ZNF841: variants seen among roughly 807,000 people sequenced by gnomAD.
The protein encoded by ZNF841 is zinc finger protein 841.
In ZNF841, 11 loss-of-function variants were observed where a neutral mutation model predicts 13.0. The observed-to-expected ratio is 0.85, with a 90% confidence interval of 0.53 to 1.40. The LOEUF (loss-of-function observed/expected upper bound fraction) is 1.40. Ranked by LOEUF, ZNF841 falls within the 40% of genes most tolerant of loss-of-function variation. The probability of loss-of-function intolerance (pLI) is 0.00; values close to 1 mark genes in which losing one functional copy is unlikely to be tolerated. For synonymous variants in ZNF841, 369 were observed against 381.6 expected (o/e 0.97, Z 0.38); for missense variants, 1,068 against 1,139.5 (o/e 0.94, Z 0.90).
intron 5 of ZNF841, 41 bp from the exon 6 acceptor site, chr19:52,076,213 C>T: frequency 6.5e-7 from 1 of 1,542,962 alleles, no homozygotes; most frequent in Non-Finnish European, 8.7e-7. Context: ...ACGGTTTTTC[C>T]AGAACCCAGC....
At chr19:52,058,962 C>T in the ZNF841 span, 6 of 152,932 alleles carry the variant, frequency 3.9e-5, no homozygotes, top group African/African-American at 1.5e-4. Flanking sequence ...AATCATTTAA[C>T]CCAATTTATA....
chr19:52,068,839 A>G (rs1248033313), intron 6 of ZNF841, among the ~76,000 whole-genome samples: 9 of 151,872 alleles, frequency 5.9e-5, no homozygotes, highest in African/African-American at 2.2e-4. Context: ...AAGCGTGGTG[A>G]TGCATGCCTG....
chr19:52,067,921 C>T (rs1265087206), intron 6 of ZNF841, among the ~76,000 whole-genome samples: 1 of 151,992 alleles, frequency 6.6e-6, no homozygotes, highest in Non-Finnish European at 1.5e-5. Context: ...AATGACACAC[C>T]AATTGGCAGT....
At chr19:52,074,850 T>C (rs2087848436) in intron 6 of ZNF841, among the ~76,000 whole-genome samples, 1 of 152,036 alleles carries the variant, frequency 6.6e-6, no homozygotes, top group Admixed American at 6.6e-5. Flanking sequence ...CACTGCTAGC[T>C]CAAAAAAGAG....
chr19:52,065,313 C>T lies in ZNF841; in HGVS notation c.2569G>A (p.Ala857Thr). The change falls in exon 7 of 7, where the codon GCG (alanine) becomes ACG (threonine). Residue 857 changes from alanine to threonine, a missense_variant. Ala to Thr is a moderately conservative substitution (Grantham distance 58). Transcript: ENST00000594440. ...GTGAGGCAAGACCGCCGCCCAAACGCCTTGCCACATTCCATACATTTGTAT... is the reference window on the plus strand; with the variant it reads ...GTGAGGCAAGACCGCCGCCCAAACGTCTTGCCACATTCCATACATTTGTAT... ...KPYKCMECGK[A>T]FGRRSCLTKH... 6.2e-7 allele frequency: 1 copy of T among 1,611,970 alleles called. No individual in the cohort carries two copies. Among genetic ancestry groups the T allele is most frequent in the African/African-American group, 1.3e-5 (1 of 75,014 alleles).
intron 4 of ZNF841, among the ~76,000 whole-genome samples, chr19:52,077,569 T>A (rs1390089969): frequency 1.3e-5 from 2 of 152,198 alleles, no homozygotes; most frequent in Non-Finnish European, 2.9e-5. Context: ...GATGACATAA[T>A]CACCTATGAC....
intron 4 of ZNF841, among the ~76,000 whole-genome samples, chr19:52,079,793 A>C (rs1258873986): frequency 6.6e-6 from 1 of 152,114 alleles, no homozygotes; most frequent in Non-Finnish European, 1.5e-5. Context: ...GGAGTTCAAG[A>C]CCAGCCTGAC....
Position 52,066,436 on chromosome 19 carries a change from C to T in ZNF841, c.1446G>A (p.Glu482=), listed in dbSNP as rs577841524. The T allele has an allele frequency of 5.7e-5, 92 of 1,613,638 alleles. No individual in the cohort carries two copies. The highest frequency in any genetic ancestry group is 2.2e-4 in the South Asian group (20 of 91,046). Reference sequence around the variant, plus strand: ...CACATTCATTACATTTGTAGGGTTTCTCTCCAGTATGAATTCTCCGGTGCC... The same window carrying T: ...CACATTCATTACATTTGTAGGGTTTTTCTCCAGTATGAATTCTCCGGTGCC... ...LAGHRRIHTG[E]KPYKCNECGK... is the part of the protein sequence containing the mutation. The change falls in exon 7 of 7, where the codon GAG becomes GAA. Residue 482 remains glutamate, a synonymous_variant. Coordinates refer to ENST00000594440, the MANE Select transcript of ZNF841 (RefSeq NM_001136499.2).
At chr19:52,077,623 G>A (rs960277847) in intron 4 of ZNF841, among the ~76,000 whole-genome samples, 1 of 152,196 alleles carries the variant, frequency 6.6e-6, no homozygotes, top group African/African-American at 2.4e-5. Flanking sequence ...CTGTGTCACA[G>A]ACAGGCTAAG....
At position 52,066,217 on chromosome 19, in the gene ZNF841, G is replaced by T. The variant is rs775016672; in HGVS notation, c.1665C>A (p.Tyr555Ter). 1.9e-6 allele frequency: 3 copies of T among 1,613,790 alleles called. No individual in the cohort carries two copies. In the East Asian group the frequency reaches 6.7e-5, roughly 36 times the overall value. Residue 555 changes from tyrosine (Y) to a stop codon, truncating the protein, a stop_gained, in exon 7 of 7, where the codon TAC (tyrosine) becomes TAA (stop). Coordinates refer to ENST00000594440, the MANE Select transcript of ZNF841 (RefSeq NM_001136499.2). LOFTEE classifies it low-confidence loss of function (END_TRUNC). Reference sequence around the variant, plus strand: ...TATGACATCTCATATGAACCGAAAGGTATCCACCGTAATTAAAGACCTTGC... The same window carrying T: ...TATGACATCTCATATGAACCGAAAGTTATCCACCGTAATTAAAGACCTTGC... Reference protein sequence around the residue: ...VCGKVFNYGGYLSVHMRCHTG... With the variant: ...VCGKVFNYGG
At chr19:52,084,752 G>A (rs761208511) in intron 4 of ZNF841, 35 bp downstream of exon 4, 37 of 1,609,708 alleles carry the variant, frequency 2.3e-5, no homozygotes, top group Middle Eastern at 1.7e-4. Flanking sequence ...CAAAAAGGGA[G>A]GAGACAGAAC....
At chr19:52,079,164 T>G (rs1002041206) in intron 4 of ZNF841, among the ~76,000 whole-genome samples, 55 of 152,214 alleles carry the variant, frequency 3.6e-4, no homozygotes, top group African/African-American at 1.3e-3. Context: ...ATATAAACTT[T>G]TATTACAATT....
intron 6 of ZNF841, among the ~76,000 whole-genome samples, chr19:52,072,564 CGGTGT>C (rs1568539802): frequency 6.6e-6 from 1 of 152,084 alleles, no homozygotes; most frequent in African/African-American, 2.4e-5. Context: ...ACTCTTAGGC[CGGTGT>C]GGTGGCTCAC....
In ZNF841 at chr19:52,066,129, C is replaced by A; in HGVS notation, c.1753G>T (p.Ala585Ser). The A allele has an allele frequency of 6.2e-7, 1 of 1,613,440 alleles. No homozygotes were observed. Among genetic ancestry groups the A allele is most frequent in the Non-Finnish European group, 8.5e-7 (1 of 1,179,850 alleles). The change falls in exon 7 of 7, where the codon GCA becomes TCA. Residue 585 changes from alanine (A) to serine (S), a missense_variant. Physicochemically the swap from Ala to Ser is moderately conservative, Grantham distance 99. Transcript: ENST00000594440. Reference sequence around the variant, plus strand: ...CCGGTATGCATTCTTTGATGACGTGCTAGGCATGAATAGTAAGTGAAGACC... The same window carrying A: ...CCGGTATGCATTCTTTGATGACGTGATAGGCATGAATAGTAAGTGAAGACC... ...GMVFTYYSCLARHQRMHTGEK... is the reference protein window; with the variant it reads ...GMVFTYYSCLSRHQRMHTGEK...
At chr19:52,076,431 G>A in intron 5 of ZNF841, 2 of 367,834 alleles carry the variant, frequency 5.4e-6, no homozygotes, top group Non-Finnish European at 5.1e-6. Context: ...GGGAGGCCAA[G>A]ACGGGAAGAT....
At chr19:52,069,632 A>G (rs1269838859) in intron 6 of ZNF841, among the ~76,000 whole-genome samples, 2 of 152,206 alleles carry the variant, frequency 1.3e-5, no homozygotes, top group Admixed American at 1.3e-4. Context: ...AGGATGGTGC[A>G]TAGAACTTCA....
rs2087561762 is a variant in ZNF841 at position 52,066,372 on chromosome 19, G to A, written c.1510C>T (p.Gln504Ter). Residue 504 changes from glutamine (Q) to a stop codon, truncating the protein, a stop_gained, in exon 7 of 7, where the codon CAG (glutamine) becomes TAG (stop). Coordinates refer to ENST00000594440, the MANE Select transcript of ZNF841 (RefSeq NM_001136499.2). LOFTEE classifies it low-confidence loss of function (END_TRUNC). ...FSQHSHLAVHQRVHTGEKPYK... is the reference protein window; with the variant it reads ...FSQHSHLAVH ...GGTTTCTCTCCAGTATGAACTCTCTGATGCACTGCAAGATGTGAATGTTGA... is the reference window on the plus strand; with the variant it reads ...GGTTTCTCTCCAGTATGAACTCTCTAATGCACTGCAAGATGTGAATGTTGA... The A allele has an allele frequency of 8.7e-6, 14 of 1,614,028 alleles. No individual in the cohort carries two copies. The highest frequency in any genetic ancestry group is 1.2e-5 in the Non-Finnish European group (14 of 1,179,992).
Position 52,067,238 on chromosome 19 carries a change from T to C in ZNF841, c.644A>G (p.Asn215Ser). The C allele has an allele frequency of 1.3e-6, 2 of 1,550,780 alleles. No homozygotes were observed. Among genetic ancestry groups the C allele is most frequent in the Non-Finnish European group, 1.7e-6 (2 of 1,146,702 alleles). The change falls in exon 7 of 7, where the codon AAT becomes AGT. Residue 215 changes from asparagine (N) to serine (S), a missense_variant. Transcript: ENST00000594440. ...YGCNQIERTV[N>S]NCFLASPLQR... ...AAGTGGTGAAGCTAAAAAACAATTA[T>C]TAACTGTCCTCTCAATTTGATTACA...
intron 1 of ZNF841, among the ~76,000 whole-genome samples, chr19:52,094,469 A>G (rs75516928): frequency 0.052 from 7,821 of 151,704 alleles, 554 homozygotes; most frequent in African/African-American, 0.16. Context: ...TGTTCTGCCC[A>G]ATGCTCTGCA....
Sources: allele counts gnomAD v4.1 joint callset (sites outside exome capture counted in the v4.1 genomes callset), GRCh38; gene constraint gnomAD v4.1.1; transcripts MANE v1.5; gene names NCBI Gene and HGNC (gene_info 2026-07-23, HGNC 2026-07-21).